Variants in DZIP3 observed in about 807,000 individuals in gnomAD.
DZIP3 encodes DAZ interacting zinc finger protein 3, also known as E3 ubiquitin-protein ligase DZIP3.
DZIP3 carries 118 observed loss-of-function variants against 162.0 expected under a neutral mutation model. That is an observed-to-expected ratio of 0.73 (90% confidence interval 0.63 to 0.85). DZIP3 has a LOEUF of 0.85. Among genes scored for constraint, DZIP3 ranks in the 40% least tolerant of loss-of-function variants. The pLI is 0.00. For synonymous variants in DZIP3, 438 were observed against 458.6 expected (o/e 0.96, Z 0.57); for missense variants, 1,331 against 1,407.0 (o/e 0.95, Z 0.86).
At chr3:108,654,071 C>T in intron 18 of DZIP3, 74 bp from the exon 19 acceptor site, 11 of 1,495,472 alleles carry the variant, frequency 7.4e-6, no homozygotes, top group Non-Finnish European at 1.0e-5. Context: ...ACAATACTAA[C>T]TTTGGAAGCA....
chr3:108,599,361 G>A (rs1939872643), intron 1 of DZIP3, among the ~76,000 whole-genome samples: 1 of 152,138 alleles, frequency 6.6e-6, no homozygotes, highest in Non-Finnish European at 1.5e-5. Flanking sequence ...TGGTGTCTAG[G>A]TGTATTTATT....
At chr3:108,616,418 T>A in intron 4 of DZIP3, 123 bp from the exon 5 acceptor site, 2 of 600,826 alleles carry the variant, frequency 3.3e-6, no homozygotes, top group Non-Finnish European at 5.5e-6. Context: ...TTTTTTTTTT[T>A]AAACCGTCTT....
intron 23 of DZIP3, among the ~76,000 whole-genome samples, chr3:108,673,061 G>T (rs1424129882): frequency 2.0e-5 from 3 of 151,936 alleles, no homozygotes; most frequent in Non-Finnish European, 4.4e-5. Flanking sequence ...ACACCTGAAT[G>T]TAAAAAACCA....
intron 15 of DZIP3, 53 bp from the exon 16 acceptor site, chr3:108,647,887 TAAG>T (rs902937102): frequency 2.9e-5 from 40 of 1,389,402 alleles, no homozygotes; most frequent in East Asian, 5.1e-5. Context: ...ATAACATTGA[TAAG>T]AAGCTGAAAT....
intron 7 of DZIP3, 143 bp downstream of exon 7, chr3:108,626,112 A>T: frequency 1.0e-6 from 1 of 955,154 alleles, no homozygotes. Context: ...TTGTATAGAT[A>T]ATTTCTTTAA....
At chr3:108,684,468 G>A (rs1559785581) in intron 27 of DZIP3, 127 bp downstream of exon 27, 2 of 1,182,002 alleles carry the variant, frequency 1.7e-6, no homozygotes, top group South Asian at 3.2e-5. Context: ...GGTGATAATT[G>A]AATGAATACT....
chr3:108,678,667 C>T (rs770538347), intron 26 of DZIP3, among the ~76,000 whole-genome samples: 1 of 151,988 alleles, frequency 6.6e-6, no homozygotes, highest in Non-Finnish European at 1.5e-5. Context: ...TAAATTCACA[C>T]AGCTTTCCAA....
At chr3:108,634,149 A>G (rs1942029645) in intron 9 of DZIP3, among the ~76,000 whole-genome samples, 1 of 152,112 alleles carries the variant, frequency 6.6e-6, no homozygotes, top group South Asian at 2.1e-4. Flanking sequence ...ACCAAGATCT[A>G]TTCAATAGAA....
Position 108,687,839 on chromosome 3 carries a change from A to T in DZIP3, c.3150-137A>T. The stretch of plus-strand genomic sequence containing the variant: ...GATGGACCTGTGATCACTTTTTTAG[A>T]TCAAAGACCTAAAGAGTCCTGTCTG... On this transcript the variant is annotated intron_variant, in intron 28 of 32. Coordinates refer to ENST00000361582, the MANE Select transcript of DZIP3 (RefSeq NM_014648.4). 3.6e-6 allele frequency: 4 copies of T among 1,115,942 alleles called. No homozygotes were observed. In the South Asian group the frequency reaches 5.9e-5, roughly 17 times the overall value. The allele number at this position is 1,115,942 out of a possible 1,614,324, so 69.1% of individuals were successfully genotyped here. A position where few individuals can be genotyped will look rare whatever the true frequency, so the allele number is the denominator to read the frequency against.
intron 1 of DZIP3, among the ~76,000 whole-genome samples, chr3:108,598,462 C>T (rs769562289): frequency 9.2e-5 from 14 of 152,172 alleles, no homozygotes; most frequent in Non-Finnish European, 1.8e-4. Context: ...GTAATACACT[C>T]AGTTAATACT....
chr3:108,646,587 A>G (rs777416958), intron 14 of DZIP3, 30 bp from the exon 15 acceptor site: 34 of 1,517,844 alleles, frequency 2.2e-5, no homozygotes, highest in Non-Finnish European at 2.9e-5. Flanking sequence ...TTGCAATTGT[A>G]CATCTAAAAT....
intron 8 of DZIP3, among the ~76,000 whole-genome samples, chr3:108,630,794 A>G (rs949228281): frequency 1.3e-5 from 2 of 151,766 alleles, no homozygotes; most frequent in Non-Finnish European, 2.9e-5. Flanking sequence ...CAGTTTGTCA[A>G]ATAATCTTTA....
In DZIP3 at chr3:108,653,505, GTGTATATA is replaced by G. The variant is rs200237895; in HGVS notation, c.2034-638_2034-631del. Among the ~76,000 whole-genome samples the G allele has an allele frequency of 5.1e-3, 349 of 67,798 alleles. 6 individuals are homozygous for G. The highest frequency in any genetic ancestry group is 0.027 in the South Asian group (75 of 2,774). 44.5% of individuals were successfully genotyped at this position (67,798 alleles called of 152,430 possible). Reference sequence around the variant, plus strand: ...ATTGGTTAATTGCCATTGTGTGTGTGTGTATATATATATATATATATATATATATATAT... The same window carrying G: ...ATTGGTTAATTGCCATTGTGTGTGTGTATATATATATATATATATATATAT... On this transcript the variant is annotated intron_variant, in intron 18 of 32. Transcript: ENST00000361582.
In DZIP3 at chr3:108,669,689, G is replaced by C; in HGVS notation, c.2432G>C (p.Arg811Pro). Residue 811 changes from arginine (R) to proline (P), a missense_variant, in exon 22 of 33, where the codon CGT becomes CCT. Arg to Pro is a moderately radical substitution (Grantham distance 103). This residue lies in a region of DZIP3 where 1,278 missense variants were observed against 1,317.1 expected (regional missense o/e 0.97). Coordinates refer to ENST00000361582, the MANE Select transcript of DZIP3 (RefSeq NM_014648.4). ...FGINKVSKLQ[R>P]QIHAKDNEIK... ...CTTGCTTGTTTGCTTAGATTACAGCGTCAAATCCATGCTAAAGATAATGAA... is the reference window on the plus strand; with the variant it reads ...CTTGCTTGTTTGCTTAGATTACAGCCTCAAATCCATGCTAAAGATAATGAA... 1 of 1,610,728 alleles carries C rather than the reference G, an allele frequency of 6.2e-7. No homozygotes were observed. Among genetic ancestry groups the C allele is most frequent in the South Asian group, 1.1e-5 (1 of 90,772 alleles).
At chr3:108,636,424 A>G (rs553401776) in intron 10 of DZIP3, among the ~76,000 whole-genome samples, 192 bp from the exon 11 acceptor site, 1 of 152,104 alleles carries the variant, frequency 6.6e-6, no homozygotes, top group African/African-American at 2.4e-5. Context: ...GTAGAGTGAA[A>G]TCATACATTT....
intron 1 of DZIP3, among the ~76,000 whole-genome samples, chr3:108,600,423 A>G (rs972666141): frequency 1.3e-5 from 2 of 152,140 alleles, no homozygotes; most frequent in African/African-American, 2.4e-5. Context: ...ACATGCATAC[A>G]TTGGTATATC....
At chr3:108,610,475 G>GAAAGT (rs1576354946) in intron 3 of DZIP3, among the ~76,000 whole-genome samples, 1 of 152,144 alleles carries the variant, frequency 6.6e-6, no homozygotes, top group East Asian at 1.9e-4. Context: ...TTAGAGAACT[G>GAAAGT]AAAGTGAGTT....
intron 1 of DZIP3, among the ~76,000 whole-genome samples, chr3:108,595,409 GGT>G (rs1939663064): frequency 6.6e-6 from 1 of 151,902 alleles, no homozygotes; most frequent in Non-Finnish European, 1.5e-5. Context: ...TTAGAGACAG[GGT>G]CTTGCTATGT....
At position 108,672,585 on chromosome 3, in the gene DZIP3, A is replaced by G; in HGVS notation, c.2518A>G (p.Asn840Asp). Residue 840 changes from asparagine to aspartate, a missense_variant, in exon 23 of 33, where the codon AAT becomes GAT. Asn to Asp is a conservative substitution (Grantham distance 23). Transcript: ENST00000361582. ...KRSQWEMEKH[N>D]LESTMKTYVS... ...ATCTCAGTGGGAAATGGAAAAACAT[A>G]ATCTGGAAAGCACAATGAAAACATA... 1 of 1,611,980 alleles carries G rather than the reference A, an allele frequency of 6.2e-7. No individual in the cohort carries two copies. The highest frequency in any genetic ancestry group is 8.5e-7 in the Non-Finnish European group (1 of 1,178,576).
Sources: allele counts gnomAD v4.1 joint callset (sites outside exome capture counted in the v4.1 genomes callset), GRCh38; gene constraint gnomAD v4.1.1; regional missense constraint gnomAD v4.1.1; transcripts MANE v1.5; gene names NCBI Gene and HGNC (gene_info 2026-07-23, HGNC 2026-07-21).